The following TENM1 variants were observed in gnomAD, a reference collection of about 807,000 sequenced individuals.
TENM1 encodes teneurin transmembrane protein 1, also known as teneurin-1.
Under a neutral mutation model 174.8 loss-of-function variants are expected in TENM1, and 35 were observed. That is an observed-to-expected ratio of 0.20 (90% CI 0.15 to 0.27). TENM1 has a LOEUF of 0.27. Among genes scored for constraint, TENM1 ranks in the 10% least tolerant of loss-of-function variants. TENM1 has a pLI of 1.00. For synonymous variants in TENM1, 781 were observed against 798.7 expected (o/e 0.98, Z 0.37); for missense variants, 1,633 against 2,130.1 (o/e 0.77, Z 4.59).
intron 18 of TENM1, among the ~76,000 whole-genome samples, chrX:124,517,702 A>T (rs1211633264): frequency 3.7e-5 from 4 of 106,961 alleles, no homozygotes; most frequent in Non-Finnish European, 7.7e-5. Context: ...TTAGGAGATA[A>T]ACCTAATGCA....
chrX:124,475,890 C>T (rs189878603), intron 22 of TENM1, among the ~76,000 whole-genome samples: 1 of 111,863 alleles, frequency 8.9e-6, no homozygotes, highest in East Asian at 2.8e-4. Flanking sequence ...AAAATCCAAA[C>T]TTCCTTTTCT....
At chrX:124,894,455 A>G (rs2057528110) in intron 2 of TENM1, 103 bp from the exon 6 acceptor site, 2 of 530,227 alleles carry the variant, frequency 3.8e-6, no homozygotes, top group East Asian at 3.7e-5. Flanking sequence ...AAAAAAACCC[A>G]GCTTTATTGC....
Position 124,526,630 on chromosome X carries a change from T to C in TENM1, c.2772-3005A>G, listed in dbSNP as rs761000073. ...TGCACGGGCCATTAATAACAGGTTA[T>C]TAAGTCATATGAGAGTGGATATAAA... is the stretch of plus-strand genomic sequence containing the variant. On this transcript the variant is annotated intron_variant, in intron 16 of 31. Transcript: ENST00000422452. Among the ~76,000 whole-genome samples the C allele has an allele frequency of 3.6e-5, 4 of 112,453 alleles. No homozygotes were observed. The East Asian group carries it at 1.1e-3, about 31-fold the overall frequency.
chrX:124,566,019 C>T (rs1400883793), intron 11 of TENM1, among the ~76,000 whole-genome samples: 1 of 111,196 alleles, frequency 9.0e-6, no homozygotes, highest in East Asian at 2.8e-4. Flanking sequence ...CAAACAAATG[C>T]CAAGTGGGTT....
At chrX:124,826,408 C>CAAA (rs761123183) in intron 3 of TENM1, among the ~76,000 whole-genome samples, 3 of 73,691 alleles carry the variant, frequency 4.1e-5, no homozygotes, top group African/African-American at 1.5e-4. Context: ...GACCCTGTCT[C>CAAA]AAAAAAAAAA....
intron 3 of TENM1, among the ~76,000 whole-genome samples, chrX:124,757,421 G>A (rs1270416055): frequency 8.9e-6 from 1 of 112,512 alleles, no homozygotes; most frequent in African/African-American, 3.2e-5. Context: ...CTAGGAAAGG[G>A]AACTCCCTGA....
intron 4 of TENM1, among the ~76,000 whole-genome samples, chrX:124,722,503 T>G (rs755913762): frequency 6.3e-5 from 7 of 111,206 alleles, no homozygotes; most frequent in Non-Finnish European, 1.3e-4. Flanking sequence ...AAAGGCAAAC[T>G]TTTTATTTTA....
intron 3 of TENM1, among the ~76,000 whole-genome samples, chrX:124,813,691 T>C (rs971460140): frequency 1.8e-5 from 2 of 111,298 alleles, no homozygotes; most frequent in African/African-American, 3.3e-5. Flanking sequence ...AATATCTGCA[T>C]ATGTGATTGT....
chrX:124,643,463 C>T (rs189998993), intron 10 of TENM1, among the ~76,000 whole-genome samples: 9 of 111,431 alleles, frequency 8.1e-5, no homozygotes, highest in African/African-American at 1.3e-4. Flanking sequence ...ATTGCCACCA[C>T]GTAGCAATGT....
At chrX:124,517,555 C>T (rs1036211600) in intron 18 of TENM1, among the ~76,000 whole-genome samples, 42 of 106,102 alleles carry the variant, frequency 4.0e-4, no homozygotes, top group Non-Finnish European at 6.0e-4. Flanking sequence ...AGCAAACTAT[C>T]GCAAGGACAA....
intron 11 of TENM1, among the ~76,000 whole-genome samples, chrX:124,606,853 G>A (rs1013011338): frequency 4.5e-5 from 5 of 111,330 alleles, no homozygotes; most frequent in South Asian, 3.8e-4. Flanking sequence ...CAGAGTTCAC[G>A]TTATGATTAA....
At chrX:124,453,121 T>G (rs762568633) in intron 23 of TENM1, among the ~76,000 whole-genome samples, 2 of 112,087 alleles carry the variant, frequency 1.8e-5, no homozygotes, top group African/African-American at 3.2e-5. Flanking sequence ...TATGTCAATA[T>G]TCTACCTGAC....
chrX:124,787,694 CT>C (rs1368913462), intron 3 of TENM1, among the ~76,000 whole-genome samples: 1 of 112,091 alleles, frequency 8.9e-6, no homozygotes, highest in East Asian at 2.8e-4. Context: ...AAAATATAAG[CT>C]CTTAATATTA....
intron 11 of TENM1, among the ~76,000 whole-genome samples, chrX:124,592,477 C>A (rs1188216791): frequency 2.9e-5 from 3 of 103,520 alleles, no homozygotes; most frequent in Non-Finnish European, 3.9e-5. Flanking sequence ...GCTCTGTCAC[C>A]CAGGCTAGAG....
At chrX:125,026,447 T>C in the TENM1 span, among the ~76,000 whole-genome samples, 1 of 112,015 alleles carries the variant, frequency 8.9e-6, no homozygotes, top group Non-Finnish European at 1.9e-5. Flanking sequence ...CAGACAATTT[T>C]AAATGCAACA....
chrX:124,671,760 C>T (rs928389720), exon 6 of TENM1: 3 of 1,208,559 alleles, frequency 2.5e-6, no homozygotes, highest in Non-Finnish European at 2.2e-6. Context: ...CCCCCTGTTC[C>T]CTTTGCTAAC....
At chrX:124,919,016 A>G (rs1339753613) in intron 1 of TENM1, among the ~76,000 whole-genome samples, 1 of 111,935 alleles carries the variant, frequency 8.9e-6, no homozygotes, top group Admixed American at 9.5e-5. Flanking sequence ...ATAGAAAGCC[A>G]TACTTCCCCA....
At chrX:124,751,481 T>A (rs2054066001) in intron 3 of TENM1, among the ~76,000 whole-genome samples, 1 of 111,347 alleles carries the variant, frequency 9.0e-6, no homozygotes, top group Admixed American at 9.5e-5. Context: ...ATAATAGTTC[T>A]TTTTTCATTT....
intron 3 of TENM1, among the ~76,000 whole-genome samples, chrX:124,770,128 T>C (rs924810616): frequency 2.7e-5 from 3 of 111,985 alleles, no homozygotes; most frequent in Non-Finnish European, 5.6e-5. Context: ...TTAAAACATC[T>C]TTTGTGTATT....
Sources: allele counts gnomAD v4.1 joint callset (sites outside exome capture counted in the v4.1 genomes callset), GRCh38; gene constraint gnomAD v4.1.1; transcripts MANE v1.5; gene names NCBI Gene and HGNC (gene_info 2026-07-23, HGNC 2026-07-21).